GNG4: variants seen among roughly 807,000 people sequenced by gnomAD.
GNG4 encodes G protein subunit gamma 4.
GNG4 carries 4 observed loss-of-function variants against 5.8 expected under a neutral mutation model. The observed-to-expected ratio is 0.69, with a 90% CI of 0.34 to 1.57. GNG4 has a LOEUF of 1.57. Among genes scored for constraint, GNG4 ranks in the 40% most tolerant of loss-of-function variants. The pLI, the probability that GNG4 is intolerant of heterozygous loss-of-function variation, is 0.06. For synonymous variants in GNG4, 29 were observed against 32.9 expected (o/e 0.88, Z 0.41); for missense variants, 96 against 95.1 (o/e 1.01, Z -0.04).
chr1:235,635,801 A>G (rs977720063), intron 1 of GNG4, among the ~76,000 whole-genome samples: 3 of 152,186 alleles, frequency 2.0e-5, no homozygotes, highest in Non-Finnish European at 2.9e-5. Context: ...ATCTTTATTA[A>G]TCCCAAAGGC....
intron 3 of GNG4, among the ~76,000 whole-genome samples, chr1:235,576,368 G>A (rs1288877040): frequency 6.6e-6 from 1 of 152,078 alleles, no homozygotes; most frequent in Non-Finnish European, 1.5e-5. Flanking sequence ...AACCATATAT[G>A]TACTTTTCTA....
intron 2 of GNG4, among the ~76,000 whole-genome samples, chr1:235,592,595 A>G (rs1201513126): frequency 2.0e-5 from 3 of 152,130 alleles, no homozygotes; most frequent in Non-Finnish European, 4.4e-5. Flanking sequence ...GCCGACCCCA[A>G]CATTTTAAAC....
intron 1 of GNG4, among the ~76,000 whole-genome samples, chr1:235,612,362 T>A (rs1218690490): frequency 1.3e-5 from 2 of 152,140 alleles, no homozygotes; most frequent in Non-Finnish European, 2.9e-5. Flanking sequence ...CCAGGAGTTA[T>A]CTTAGCCCCA....
chr1:235,630,364 T>A (rs7516216), intron 1 of GNG4, among the ~76,000 whole-genome samples: 4,315 of 152,324 alleles, frequency 0.028, 208 homozygotes, highest in African/African-American at 0.095. Flanking sequence ...AGTACTTGAA[T>A]GTTTGCTGCT....
chr1:235,587,067 C>G (rs1187197500), intron 2 of GNG4, among the ~76,000 whole-genome samples: 1 of 151,076 alleles, frequency 6.6e-6, no homozygotes, highest in Non-Finnish European at 1.5e-5. Context: ...GCCAAGAGGA[C>G]ATGGAGCAGG....
chr1:235,622,661 A>G (rs1352071415), intron 1 of GNG4, among the ~76,000 whole-genome samples: 1 of 151,902 alleles, frequency 6.6e-6, no homozygotes, highest in African/African-American at 2.4e-5. Context: ...CAGTTCGATC[A>G]CCTGAGGTCA....
chr1:235,587,679 A>G (rs1687844032), intron 2 of GNG4, among the ~76,000 whole-genome samples: 10 of 7,384 alleles, frequency 1.4e-3, no homozygotes, highest in South Asian at 5.4e-3. Flanking sequence ...ACTGTGGGGT[A>G]TGTGTGCGAG....
chr1:235,615,074 G>A (rs1688560561), intron 1 of GNG4: 1 of 152,300 alleles, frequency 6.6e-6, no homozygotes, highest in Non-Finnish European at 1.5e-5. Flanking sequence ...TGTGGACCAG[G>A]AGAACGAGAG....
intron 1 of GNG4, among the ~76,000 whole-genome samples, chr1:235,631,575 CTT>C (rs11307446): frequency 0.089 from 12,957 of 145,936 alleles, 1,866 homozygotes; most frequent in African/African-American, 0.31. Context: ...TTCTTTCTTT[CTT>C]TTTTTTTTTT....
At chr1:235,577,974 C>T (rs368112994) in intron 3 of GNG4, among the ~76,000 whole-genome samples, 10 of 152,140 alleles carry the variant, frequency 6.6e-5, no homozygotes, top group African/African-American at 1.2e-4. Context: ...ACGAGGTCAT[C>T]GGGAGTGTCC....
chr1:235,589,514 C>T (rs1687907275), intron 2 of GNG4, among the ~76,000 whole-genome samples: 1 of 152,122 alleles, frequency 6.6e-6, no homozygotes, highest in African/African-American at 2.4e-5. Context: ...TGCTTATGGC[C>T]CCACGAGTGT....
intron 3 of GNG4, among the ~76,000 whole-genome samples, chr1:235,570,085 G>A (rs544271111): frequency 1.6e-4 from 25 of 152,216 alleles, no homozygotes; most frequent in African/African-American, 6.0e-4. Context: ...ATTTAATGAA[G>A]CTGTTTTATG....
chr1:235,605,963 T>TAG (rs1553369951), intron 1 of GNG4, among the ~76,000 whole-genome samples: 2 of 144,012 alleles, frequency 1.4e-5, no homozygotes, highest in African/African-American at 2.6e-5. Flanking sequence ...TGTGGGGGGG[T>TAG]GGGTCTCACT....
chr1:235,620,614 C>A (rs909337618), intron 1 of GNG4, among the ~76,000 whole-genome samples: 1 of 152,070 alleles, frequency 6.6e-6, no homozygotes, highest in Non-Finnish European at 1.5e-5. Context: ...CGGCTCACTG[C>A]AAGCTCCGCC....
At chr1:235,628,869 G>C (rs1688875857) in intron 1 of GNG4, among the ~76,000 whole-genome samples, 1 of 151,990 alleles carries the variant, frequency 6.6e-6, no homozygotes, top group Non-Finnish European at 1.5e-5. Flanking sequence ...CTTCACTTTT[G>C]CATTTGTAGA....
In GNG4 at chr1:235,649,139, G is replaced by C. The variant is rs1157307475; in HGVS notation, c.-123+523C>G. Reference sequence around the variant, plus strand: ...ACCACCCTCAGCTGCGGTGGCTCCAGCGTCACCCCGAGTGCTCCCGAGGCG... The same window carrying C: ...ACCACCCTCAGCTGCGGTGGCTCCACCGTCACCCCGAGTGCTCCCGAGGCG... On this transcript the variant is annotated intron_variant, in intron 1 of 3. Coordinates refer to ENST00000391854, the MANE Select transcript of GNG4 (RefSeq NM_001098722.2). This position sits in a 1 kb window ranked among gnomAD's most constrained non-coding sequence, Gnocchi z 5.7. Among the ~76,000 whole-genome samples, 1 of 152,202 alleles carries C rather than the reference G, an allele frequency of 6.6e-6. No homozygotes were observed.
At chr1:235,619,846 C>T (rs1001776683) in intron 1 of GNG4, among the ~76,000 whole-genome samples, 8 of 152,116 alleles carry the variant, frequency 5.3e-5, no homozygotes, top group African/African-American at 1.7e-4. Context: ...TTTAGCATTC[C>T]CTATAGATCT....
intron 1 of GNG4, among the ~76,000 whole-genome samples, chr1:235,602,393 G>A (rs1295476236): frequency 6.6e-6 from 1 of 152,150 alleles, no homozygotes; most frequent in Admixed American, 6.6e-5. Context: ...GAAACAAAAC[G>A]GAAAGAGCCC....
intron 1 of GNG4, among the ~76,000 whole-genome samples, chr1:235,632,768 G>A (rs888770225): frequency 1.3e-5 from 2 of 152,020 alleles, no homozygotes; most frequent in Admixed American, 6.6e-5. Context: ...CATTGTCATC[G>A]GCCTTTGTTG....
Sources: gnomAD v4.1 joint callset for allele counts (sites outside exome capture counted in the v4.1 genomes callset) on GRCh38, gnomAD v4.1.1 for gene constraint, Gnocchi (gnomAD v3.1) non-coding constraint, MANE v1.5 for transcripts, NCBI Gene and HGNC (gene_info 2026-07-23, HGNC 2026-07-21) for gene names.